Variants in KCNIP1 observed in about 807,000 individuals in gnomAD.
KCNIP1 encodes potassium voltage-gated channel interacting protein 1.
A neutral mutation model predicts 33.0 loss-of-function variants in KCNIP1; 18 were observed. The ratio of observed to expected loss-of-function variants is 0.55; its 90% CI spans 0.38 to 0.81. KCNIP1 has a LOEUF of 0.81. Among genes scored for constraint, KCNIP1 ranks in the 30% least tolerant of loss-of-function variants. The pLI, the probability that KCNIP1 is intolerant of heterozygous loss-of-function variation, is 0.00. For synonymous variants in KCNIP1, 93 were observed against 98.3 expected (o/e 0.95, Z 0.32); for missense variants, 238 against 271.6 (o/e 0.88, Z 0.87).
chr5:170,667,163 T>A (rs976764726), intron 1 of KCNIP1, among the ~76,000 whole-genome samples: 1 of 151,682 alleles, frequency 6.6e-6, no homozygotes, highest in African/African-American at 2.4e-5. Context: ...AAATATAAAA[T>A]AAGCTGGGCG....
intron 1 of KCNIP1, among the ~76,000 whole-genome samples, chr5:170,662,169 T>G (rs1301752913): frequency 6.6e-6 from 1 of 152,216 alleles, no homozygotes; most frequent in East Asian, 1.9e-4. Context: ...ACTTGACTTC[T>G]TTCTTGGGTC....
Position 170,433,998 on chromosome 5 carries a change from C to T in KCNIP1, c.88+80034C>T, listed in dbSNP as rs568518166. Among the ~76,000 whole-genome samples, 32 of 152,264 alleles carry T rather than the reference C, an allele frequency of 2.1e-4. 2 individuals carry two copies. The highest frequency in any genetic ancestry group is 3.4e-3 in the Middle Eastern group (1 of 294). On this transcript the variant is annotated intron_variant, in intron 1 of 7. Transcript: ENST00000377360. ...CAGCCTGACTGCCTTGATTGGGCCG[C>T]ATTTCTTTGTTCTGACCTCAAAAAG... is the stretch of plus-strand genomic sequence containing the variant.
chr5:170,462,264 C>CAAAAAAAAAAAAAAAAAA (rs760686464), intron 1 of KCNIP1, among the ~76,000 whole-genome samples: 4 of 52,026 alleles, frequency 7.7e-5, no homozygotes, highest in Admixed American at 2.3e-4. Flanking sequence ...AACAAATTAG[C>CAAAAAAAAAAAAAAAAAA]AAAAAAAAAA....
At chr5:170,722,677 G>T in intron 4 of KCNIP1, 36 bp from the exon 5 acceptor site, 1 of 1,400,326 alleles carries the variant, frequency 7.1e-7, no homozygotes, top group Non-Finnish European at 1.0e-6. Flanking sequence ...CTGATGGCTT[G>T]ATGGTTAATG....
At chr5:170,546,706 T>C (rs1581306246) in intron 1 of KCNIP1, among the ~76,000 whole-genome samples, 1 of 152,172 alleles carries the variant, frequency 6.6e-6, no homozygotes, top group East Asian at 1.9e-4. Context: ...GTTGTTGCAG[T>C]AGGGGAGTCA....
chr5:170,586,327 G>C (rs1009665002), intron 1 of KCNIP1, among the ~76,000 whole-genome samples: 5 of 152,176 alleles, frequency 3.3e-5, no homozygotes, highest in African/African-American at 1.2e-4. Context: ...TTAGGTGCAG[G>C]ATTAAGGTGT....
intron 1 of KCNIP1, among the ~76,000 whole-genome samples, chr5:170,660,723 C>T (rs1761450682): frequency 1.3e-5 from 2 of 152,228 alleles, no homozygotes; most frequent in Admixed American, 1.3e-4. Context: ...AGGCTCCTGA[C>T]CAGCGGGGCT....
intron 1 of KCNIP1, among the ~76,000 whole-genome samples, chr5:170,654,331 G>A (rs139532711): frequency 2.6e-4 from 39 of 152,254 alleles, no homozygotes; most frequent in African/African-American, 7.7e-4. Flanking sequence ...TGCTCCAAGC[G>A]GTAAAATGCA....
intron 1 of KCNIP1, among the ~76,000 whole-genome samples, chr5:170,583,461 G>A (rs530912642): frequency 1.3e-5 from 2 of 152,312 alleles, no homozygotes; most frequent in South Asian, 4.1e-4. Context: ...AGGAGGGGGA[G>A]AAGATTAGGC....
chr5:170,523,472 C>T (rs1479455834), intron 1 of KCNIP1, among the ~76,000 whole-genome samples: 1 of 152,190 alleles, frequency 6.6e-6, no homozygotes, highest in Non-Finnish European at 1.5e-5. Flanking sequence ...GGCTGATTCT[C>T]AGAGTCGACT....
At chr5:170,641,698 G>A (rs1422441122) in intron 1 of KCNIP1, among the ~76,000 whole-genome samples, 4 of 152,188 alleles carry the variant, frequency 2.6e-5, no homozygotes, top group African/African-American at 7.2e-5. Flanking sequence ...GCCAGGAACC[G>A]GCTCCATTGT....
chr5:170,508,366 TA>T (rs1259035955), intron 1 of KCNIP1, among the ~76,000 whole-genome samples: 1 of 152,216 alleles, frequency 6.6e-6, no homozygotes, highest in East Asian at 1.9e-4. Flanking sequence ...ATGTTCCCGA[TA>T]GTCCCATATT....
At chr5:170,721,772 G>T in intron 3 of KCNIP1, 61 bp from the exon 4 acceptor site, 1 of 1,614,082 alleles carries the variant, frequency 6.2e-7, no homozygotes, top group African/African-American at 1.3e-5. Flanking sequence ...GCCTTGTTTG[G>T]AAGGTTCTCC....
intron 1 of KCNIP1, among the ~76,000 whole-genome samples, chr5:170,370,946 A>G (rs373389523): frequency 1.4e-4 from 21 of 152,246 alleles, no homozygotes; most frequent in East Asian, 7.7e-4. Flanking sequence ...TAACGATAGT[A>G]AAAGAGGACT....
chr5:170,364,034 T>A (rs1298783548), intron 1 of KCNIP1, among the ~76,000 whole-genome samples: 1 of 150,150 alleles, frequency 6.7e-6, no homozygotes, highest in Non-Finnish European at 1.5e-5. Context: ...AGGGTCTCAC[T>A]CTGTCATCCA....
At chr5:170,659,396 G>A (rs1446625162) in intron 1 of KCNIP1, among the ~76,000 whole-genome samples, 2 of 152,146 alleles carry the variant, frequency 1.3e-5, no homozygotes, top group Non-Finnish European at 2.9e-5. Flanking sequence ...GGAATACAAG[G>A]GAGACTTCAA....
At chr5:170,597,044 A>C (rs1486124021) in intron 1 of KCNIP1, among the ~76,000 whole-genome samples, 1 of 152,206 alleles carries the variant, frequency 6.6e-6, no homozygotes, top group Non-Finnish European at 1.5e-5. Flanking sequence ...AACATATTGA[A>C]GCTCATGCAG....
chr5:170,636,241 C>T (rs954305365), intron 1 of KCNIP1, among the ~76,000 whole-genome samples: 1 of 152,142 alleles, frequency 6.6e-6, no homozygotes, highest in African/African-American at 2.4e-5. Flanking sequence ...GTAGAGACAG[C>T]GTTTAAAGCT....
intron 2 of KCNIP1, 82 bp from the exon 3 acceptor site, chr5:170,720,239 C>A: frequency 1.0e-6 from 1 of 967,332 alleles, no homozygotes; most frequent in South Asian, 1.3e-5. Context: ...TCATGAGGAA[C>A]CCCAGACACC....
Sources: allele counts gnomAD v4.1 joint callset (sites outside exome capture counted in the v4.1 genomes callset), GRCh38; gene constraint gnomAD v4.1.1; transcripts MANE v1.5; gene names NCBI Gene and HGNC (gene_info 2026-07-23, HGNC 2026-07-21).